The following SGCZ variants were observed in gnomAD, a reference collection of about 807,000 sequenced individuals.
SGCZ encodes sarcoglycan zeta.
Under a neutral mutation model 41.3 loss-of-function variants are expected in SGCZ, and 40 were observed. That is an observed-to-expected ratio of 0.97 (90% CI 0.75 to 1.26). The LOEUF is 1.26. Ranked by LOEUF, SGCZ falls within the 50% of genes most tolerant of loss-of-function variation. The pLI is 0.00. For synonymous variants in SGCZ, 206 were observed against 137.5 expected (o/e 1.50, Z -3.49); for missense variants, 552 against 369.8 (o/e 1.49, Z -4.04).
chr8:15,212,121 A>T (rs1021803028), intron 1 of SGCZ, among the ~76,000 whole-genome samples: 2 of 152,174 alleles, frequency 1.3e-5, no homozygotes, highest in Non-Finnish European at 2.9e-5. Context: ...TCAAGAAACG[A>T]CTGCATGGAT....
intron 1 of SGCZ, among the ~76,000 whole-genome samples, chr8:14,766,991 G>A (rs938881897): frequency 5.9e-5 from 9 of 152,108 alleles, no homozygotes; most frequent in African/African-American, 2.2e-4. Flanking sequence ...AAATTCTTCA[G>A]AAACTAAATT....
intron 1 of SGCZ, among the ~76,000 whole-genome samples, chr8:14,928,070 G>A (rs1799811692): frequency 6.6e-6 from 1 of 152,128 alleles, no homozygotes; most frequent in African/African-American, 2.4e-5. Flanking sequence ...AAATTTTAGG[G>A]TGCAGTCCTT....
At chr8:14,467,094 C>T in intron 2 of SGCZ, among the ~76,000 whole-genome samples, 1 of 151,716 alleles carries the variant, frequency 6.6e-6, no homozygotes, top group African/African-American at 2.4e-5. Context: ...TTCTTATAGA[C>T]TCTTCCCTTT....
chr8:15,230,866 C>CT (rs1452494491), intron 1 of SGCZ, among the ~76,000 whole-genome samples: 1 of 152,162 alleles, frequency 6.6e-6, no homozygotes, highest in Non-Finnish European at 1.5e-5. Context: ...TGACAAAACC[C>CT]TTTCAAAAAA....
chr8:15,194,844 C>T (rs1326036683), intron 1 of SGCZ, among the ~76,000 whole-genome samples: 2 of 152,154 alleles, frequency 1.3e-5, no homozygotes, highest in Non-Finnish European at 2.9e-5. Context: ...CTTCTGACCT[C>T]CCAACCTATA....
intron 1 of SGCZ, among the ~76,000 whole-genome samples, chr8:15,095,256 C>T (rs1230840732): frequency 6.6e-6 from 1 of 151,970 alleles, no homozygotes; most frequent in African/African-American, 2.4e-5. Flanking sequence ...GTGCCATCAC[C>T]CCTAGCTAAT....
intron 4 of SGCZ, among the ~76,000 whole-genome samples, chr8:14,205,682 G>A (rs1180295956): frequency 6.6e-6 from 1 of 152,008 alleles, no homozygotes; most frequent in African/African-American, 2.4e-5. Context: ...TAAGTTTCCA[G>A]GCAGCTCTGA....
intron 1 of SGCZ, among the ~76,000 whole-genome samples, chr8:14,735,757 C>T (rs942306753): frequency 2.0e-5 from 3 of 151,976 alleles, no homozygotes; most frequent in East Asian, 3.9e-4. Flanking sequence ...TGATACATAC[C>T]TACTAATATT....
At chr8:15,236,700 G>A (rs927360620) in intron 1 of SGCZ, among the ~76,000 whole-genome samples, 10 of 152,074 alleles carry the variant, frequency 6.6e-5, no homozygotes, top group African/African-American at 2.4e-4. Flanking sequence ...TTGAAGGGAA[G>A]CAGGCAGAGG....
intron 2 of SGCZ, among the ~76,000 whole-genome samples, chr8:14,432,289 C>T (rs142011217): frequency 4.6e-5 from 7 of 152,206 alleles, no homozygotes; most frequent in East Asian, 3.9e-4. Flanking sequence ...AAATGCCCAT[C>T]GATCAACAAA....
intron 2 of SGCZ, among the ~76,000 whole-genome samples, chr8:14,325,662 CAT>C (rs1041331226): frequency 7.2e-6 from 1 of 138,962 alleles, no homozygotes; most frequent in African/African-American, 2.6e-5. Flanking sequence ...GATATATAAT[CAT>C]ATTTTAATTA....
chr8:14,861,987 A>G (rs1241065627), intron 1 of SGCZ, among the ~76,000 whole-genome samples: 1 of 152,096 alleles, frequency 6.6e-6, no homozygotes, highest in Non-Finnish European at 1.5e-5. Flanking sequence ...TAAGAAGAAA[A>G]CAGAGCCAAC....
chr8:14,915,374 T>C (rs1799401851), intron 1 of SGCZ, among the ~76,000 whole-genome samples: 2 of 152,148 alleles, frequency 1.3e-5, no homozygotes, highest in South Asian at 4.1e-4. Context: ...CTAGGAGTCC[T>C]CGGTAAGACT....
chr8:15,078,344 G>C (rs1338451901), intron 1 of SGCZ, among the ~76,000 whole-genome samples: 1 of 151,356 alleles, frequency 6.6e-6, no homozygotes, highest in African/African-American at 2.4e-5. Flanking sequence ...AGAAACCTAA[G>C]AGTCACTCTC....
chr8:14,100,085 C>A (rs115229269), intron 7 of SGCZ, among the ~76,000 whole-genome samples: 145 of 151,926 alleles, frequency 9.5e-4, no homozygotes, highest in Middle Eastern at 6.8e-3. Context: ...GTCAATGTAG[C>A]AAAATATATA....
chr8:14,865,269 C>A (rs1803889808), intron 1 of SGCZ, among the ~76,000 whole-genome samples: 1 of 151,994 alleles, frequency 6.6e-6, no homozygotes, highest in South Asian at 2.1e-4. Context: ...TCTCATATTC[C>A]AGTTAACTCT....
chr8:15,060,323 G>A lies in SGCZ; in HGVS notation c.39+177262C>T, dbSNP rs186162562. On this transcript the variant is annotated intron_variant, in intron 1 of 7. Transcript: ENST00000382080. ...AGAAAATGTGGCACATATACACCAT[G>A]GAATACTATGCAGCCATAAAAAAGG... 2.9e-3 allele frequency among the ~76,000 whole-genome samples: 437 copies of A among 152,066 alleles called. 3 individuals carry two copies. The highest frequency in any genetic ancestry group is 8.7e-3 in the African/African-American group (362 of 41,486).
intron 3 of SGCZ, among the ~76,000 whole-genome samples, chr8:14,285,923 A>G (rs1228738769): frequency 1.3e-5 from 2 of 152,286 alleles, no homozygotes; most frequent in East Asian, 3.9e-4. Flanking sequence ...TGATTAGAAT[A>G]CAACATTCGC....
At chr8:14,838,236 G>A (rs4596659) in intron 1 of SGCZ, among the ~76,000 whole-genome samples, 1 of 151,776 alleles carries the variant, frequency 6.6e-6, no homozygotes, top group Non-Finnish European at 1.5e-5. Flanking sequence ...ATGAATAGGG[G>A]CTAGTGTTCA....
Sources: allele counts gnomAD v4.1 joint callset (sites outside exome capture counted in the v4.1 genomes callset), GRCh38; gene constraint gnomAD v4.1.1; transcripts MANE v1.5; gene names NCBI Gene and HGNC (gene_info 2026-07-23, HGNC 2026-07-21).